Variants in CREBBP observed in about 807,000 individuals in gnomAD.
CREBBP encodes CREB-binding protein.
A neutral mutation model predicts 265.0 loss-of-function variants in CREBBP; 19 were observed. That is an observed-to-expected ratio of 0.07 (90% CI 0.05 to 0.11). The LOEUF (loss-of-function observed/expected upper bound fraction) is 0.11, where lower values mean the gene tolerates loss of function less well. Among genes scored for constraint, CREBBP ranks in the 10% least tolerant of loss-of-function variants. The pLI is 1.00. For synonymous variants in CREBBP, 1,457 were observed against 1,223.7 expected, an observed-to-expected ratio of 1.19 and a Z score of -3.98; for missense variants, 2,525 against 3,219.0, an observed-to-expected ratio of 0.78 and a Z score of 5.22.
At chr16:3,771,076 A>T (rs910497604) in intron 13 of CREBBP, 90 bp from the exon 14 acceptor site, 351 of 1,284,674 alleles carry the variant, frequency 2.7e-4, no homozygotes, top group Middle Eastern at 3.9e-4. Flanking sequence ...TGAAAAAAAA[A>T]TTTTTTTTTT....
At chr16:3,733,965 A>G (rs145834854) in intron 28 of CREBBP, among the ~76,000 whole-genome samples, 2 of 152,364 alleles carry the variant, frequency 1.3e-5, no homozygotes, top group East Asian at 3.9e-4. Flanking sequence ...TTACAAAATT[A>G]TAAAATAAAT....
intron 23 of CREBBP, chr16:3,741,672 A>G (rs2052211652): frequency 6.7e-6 from 1 of 149,674 alleles, no homozygotes; most frequent in Non-Finnish European, 1.5e-5. Flanking sequence ...GAGCGCAGTG[A>G]CTCACACCTG....
intron 2 of CREBBP, among the ~76,000 whole-genome samples, chr16:3,814,490 A>G (rs1408262287): frequency 6.6e-6 from 1 of 152,092 alleles, no homozygotes; most frequent in Non-Finnish European, 1.5e-5. Flanking sequence ...TCCTGGCCTC[A>G]AGTGATCCAT....
intron 4 of CREBBP, 141 bp from the exon 5 acceptor site, chr16:3,792,235 C>A (rs1257624620): frequency 1.2e-5 from 9 of 778,520 alleles, no homozygotes; most frequent in African/African-American, 1.7e-5. Context: ...CCTCAACTTA[C>A]AAACAGGCTG....
intron 3 of CREBBP, among the ~76,000 whole-genome samples, chr16:3,794,030 A>C (rs1236155930): frequency 1.3e-5 from 2 of 152,172 alleles, no homozygotes; most frequent in Non-Finnish European, 2.9e-5. Flanking sequence ...CCTAATTAAA[A>C]AGATTGCCAA....
chr16:3,802,412 G>T (rs2053735812), intron 3 of CREBBP, among the ~76,000 whole-genome samples: 1 of 152,008 alleles, frequency 6.6e-6, no homozygotes, highest in South Asian at 2.1e-4. Flanking sequence ...GATTACAGGA[G>T]TGAGCCACCG....
rs138516556 is a variant in CREBBP, at chr16:3,844,600, C to G, written c.798+5697G>C. Among the ~76,000 whole-genome samples the G allele has an allele frequency of 3.2e-3, 484 of 152,160 alleles. 1 individual carries two copies. The highest frequency in any genetic ancestry group is 0.011 in the African/African-American group (453 of 41,524). ...AATACACTTCCATTTAAGTAGGATACGAGACAGGGATGCCTAAGAGCATAA... is the reference window on the plus strand; with the variant it reads ...AATACACTTCCATTTAAGTAGGATAGGAGACAGGGATGCCTAAGAGCATAA... On this transcript the variant is annotated intron_variant, in intron 2 of 30. Coordinates refer to ENST00000262367, the MANE Select transcript of CREBBP (RefSeq NM_004380.3).
chr16:3,767,933 C>A lies in CREBBP; in HGVS notation c.3061-24G>T, dbSNP rs1567296202. The A allele has an allele frequency of 5.0e-6, 8 of 1,610,426 alleles. No homozygotes were observed. In the East Asian group the frequency reaches 1.8e-4, roughly 36 times the overall value. ...ATCTTGAGAAAAACATTACAGATAA[C>A]ATATGAATATCAAACACCTTTATGT... is the stretch of plus-strand genomic sequence containing the variant. On this transcript the variant is annotated intron_variant, in intron 15 of 30. Transcript: ENST00000262367.
chr16:3,786,784 T>A (rs1175468855), intron 5 of CREBBP, among the ~76,000 whole-genome samples: 1 of 152,114 alleles, frequency 6.6e-6, no homozygotes, highest in Non-Finnish European at 1.5e-5. Flanking sequence ...AAAAAAGCAA[T>A]GCTAGAATTT....
intron 3 of CREBBP, among the ~76,000 whole-genome samples, chr16:3,797,405 C>T (rs1195793661): frequency 1.3e-5 from 2 of 152,178 alleles, no homozygotes; most frequent in African/African-American, 4.8e-5. Flanking sequence ...CCTCAGAGTT[C>T]AGGTTCCAAC....
At chr16:3,842,688 T>C (rs1780111906) in intron 2 of CREBBP, among the ~76,000 whole-genome samples, 1 of 152,026 alleles carries the variant, frequency 6.6e-6, no homozygotes, top group African/African-American at 2.4e-5. Flanking sequence ...GAGATGGCAG[T>C]GCACGGTGGC....
At position 3,726,172 on chromosome 16, in the gene CREBBP, G is replaced by T. The variant is rs1316613149; in HGVS notation, c.*1546C>A. 4.3e-6 allele frequency: 1 copy of T among 232,792 alleles called. No individual in the cohort carries two copies. Among genetic ancestry groups the T allele is most frequent in the Non-Finnish European group, 8.5e-6 (1 of 117,880 alleles). The allele number at this position is 232,792 out of a possible 1,614,324, so 14.4% of individuals were successfully genotyped here. A position where few individuals can be genotyped will look rare whatever the true frequency, so the allele number is the denominator to read the frequency against. ...ATGCTGCGCGGCAGCGGCAGGATTT[G>T]GGGGGAAGTCAGAAAGCACCTCGCG... is the stretch of plus-strand genomic sequence containing the variant. On this transcript the variant is annotated 3_prime_UTR_variant, in exon 31 of 31. Transcript: ENST00000262367.
intron 2 of CREBBP, among the ~76,000 whole-genome samples, chr16:3,836,993 C>A (rs775900140): frequency 6.6e-6 from 1 of 152,000 alleles, no homozygotes; most frequent in Non-Finnish European, 1.5e-5. Context: ...ACATAATAGC[C>A]GATAATGATA....
chr16:3,733,487 C>T (rs982362570), intron 28 of CREBBP, among the ~76,000 whole-genome samples: 3 of 151,890 alleles, frequency 2.0e-5, no homozygotes, highest in Non-Finnish European at 2.9e-5. Context: ...GAAATTGGAA[C>T]GAAGTGTAGA....
chr16:3,864,845 T>A (rs755452856), intron 1 of CREBBP, among the ~76,000 whole-genome samples: 1 of 152,074 alleles, frequency 6.6e-6, no homozygotes, highest in Non-Finnish European at 1.5e-5. Flanking sequence ...GGCAGGCAGG[T>A]CACCTGAGGT....
At chr16:3,856,132 TTTTTA>T (rs1275217599) in intron 1 of CREBBP, among the ~76,000 whole-genome samples, 3 of 152,174 alleles carry the variant, frequency 2.0e-5, no homozygotes, top group Non-Finnish European at 2.9e-5. Context: ...AACATTTTAT[TTTTTA>T]TTTTATGTTT....
rs370195990 is a variant in CREBBP, at chr16:3,780,776, G to C, written c.1779C>G (p.His593Gln). 1 of 1,613,896 alleles carries C rather than the reference G, an allele frequency of 6.2e-7. No individual in the cohort carries two copies. The highest frequency in any genetic ancestry group is 1.3e-5 in the African/African-American group (1 of 74,906). The change falls in exon 8 of 31, where the codon CAC becomes CAG. Residue 593 changes from histidine (H) to glutamine (Q), a missense_variant. His to Gln is a conservative substitution (Grantham distance 24). Transcript: ENST00000262367. ...PSSTGVRKGW[H>Q]EHVTQDLRSH... ...TCCGCAGGTCCTGAGTGACATGTTC[G>C]TGCCAGCCTTTCCTTACACCGGTGC...
intron 5 of CREBBP, among the ~76,000 whole-genome samples, chr16:3,783,564 C>T (rs548439124): frequency 5.4e-4 from 83 of 152,364 alleles, no homozygotes; most frequent in Middle Eastern, 3.4e-3. Flanking sequence ...TCTCCGGCTA[C>T]ATGAAGCTGT....
At chr16:3,872,318 T>C (rs1290907131) in intron 1 of CREBBP, among the ~76,000 whole-genome samples, 2 of 152,164 alleles carry the variant, frequency 1.3e-5, no homozygotes. Flanking sequence ...TGTGTGCCCT[T>C]GCTCAAATCT....
Sources: gnomAD v4.1 joint callset for allele counts (sites outside exome capture counted in the v4.1 genomes callset) on GRCh38, gnomAD v4.1.1 for gene constraint, MANE v1.5 for transcripts, NCBI Gene and HGNC (gene_info 2026-07-23, HGNC 2026-07-21) for gene names.